Variants in ZFAT observed in about 807,000 individuals in gnomAD.
ZFAT encodes the protein zinc finger protein ZFAT.
A neutral mutation model predicts 117.7 loss-of-function variants in ZFAT; 64 were observed. The observed-to-expected ratio is 0.54, with a 90% CI of 0.44 to 0.67. The LOEUF (loss-of-function observed/expected upper bound fraction) is 0.67, where lower values mean the gene tolerates loss of function less well. Ranked by LOEUF, ZFAT falls within the 30% of genes least tolerant of loss-of-function variation. The probability of loss-of-function intolerance (pLI) is 0.00; values close to 1 mark genes in which losing one functional copy is unlikely to be tolerated. For synonymous variants in ZFAT, 679 were observed against 615.0 expected, an observed-to-expected ratio of 1.10 and a Z score of -1.54; for missense variants, 1,433 against 1,584.5, an observed-to-expected ratio of 0.90 and a Z score of 1.62.
intron 11 of ZFAT, among the ~76,000 whole-genome samples, chr8:134,540,585 G>A (rs1298183275): frequency 1.3e-5 from 2 of 152,114 alleles, no homozygotes; most frequent in Admixed American, 6.5e-5. Flanking sequence ...CAAAGGCTAC[G>A]AAAAGTCCCA....
At chr8:134,556,816 T>C (rs1823660461) in intron 11 of ZFAT, among the ~76,000 whole-genome samples, 1 of 151,960 alleles carries the variant, frequency 6.6e-6, no homozygotes, top group South Asian at 2.1e-4. Context: ...TAAAGACAAA[T>C]GTATCAAATA....
chr8:134,828,733 T>G, the ZFAT span, among the ~76,000 whole-genome samples: 115 of 152,356 alleles, frequency 7.5e-4, no homozygotes, highest in African/African-American at 2.7e-3. Flanking sequence ...TCCCAAGTAC[T>G]TCATTCATCA....
At chr8:134,493,276 C>T (rs1301778431) in intron 15 of ZFAT, among the ~76,000 whole-genome samples, 1 of 152,174 alleles carries the variant, frequency 6.6e-6, no homozygotes, top group African/African-American at 2.4e-5. Context: ...TCTGCTGCCA[C>T]CTGCAACACG....
intron 15 of ZFAT, among the ~76,000 whole-genome samples, chr8:134,486,386 T>G (rs4554425): frequency 6.6e-6 from 1 of 151,956 alleles, no homozygotes; most frequent in Non-Finnish European, 1.5e-5. Flanking sequence ...GACACCTCTG[T>G]CACCGTCGCC....
At chr8:134,758,197 C>T in the ZFAT span, among the ~76,000 whole-genome samples, 17 of 152,220 alleles carry the variant, frequency 1.1e-4, no homozygotes, top group South Asian at 2.1e-3. Flanking sequence ...GGGATTGGCT[C>T]TTATTAGCCT....
chr8:134,529,554 G>A (rs906304995), intron 12 of ZFAT, among the ~76,000 whole-genome samples: 1 of 152,172 alleles, frequency 6.6e-6, no homozygotes, highest in African/African-American at 2.4e-5. Context: ...TATTTACATA[G>A]TGCTCAGTAC....
the ZFAT span, among the ~76,000 whole-genome samples, chr8:134,779,986 C>T: frequency 6.6e-6 from 1 of 152,158 alleles, no homozygotes; most frequent in African/African-American, 2.4e-5. Context: ...TCCACTGTTT[C>T]TCCAACCCCC....
At chr8:134,811,985 A>G in the ZFAT span, among the ~76,000 whole-genome samples, 1 of 152,082 alleles carries the variant, frequency 6.6e-6, no homozygotes, top group Admixed American at 6.5e-5. Context: ...CTCTACTAAA[A>G]ATACAAAAAT....
At chr8:134,507,862 CAG>C (rs934613098) in intron 15 of ZFAT, among the ~76,000 whole-genome samples, 12 of 152,188 alleles carry the variant, frequency 7.9e-5, no homozygotes, top group Non-Finnish European at 1.5e-5. Flanking sequence ...GATACCATCC[CAG>C]AGAGACCCTT....
the ZFAT span, among the ~76,000 whole-genome samples, chr8:134,750,246 C>A: frequency 6.6e-6 from 1 of 151,456 alleles, no homozygotes; most frequent in Non-Finnish European, 1.5e-5. Context: ...AATTATATTA[C>A]GATTGGTATC....
chr8:134,775,268 A>T, the ZFAT span, among the ~76,000 whole-genome samples: 1 of 152,216 alleles, frequency 6.6e-6, no homozygotes, highest in Non-Finnish European at 1.5e-5. Context: ...GGGCCTGATT[A>T]TCTCTGATTG....
intron 3 of ZFAT, among the ~76,000 whole-genome samples, chr8:134,614,512 T>C (rs549652049): frequency 5.9e-5 from 9 of 152,278 alleles, no homozygotes; most frequent in South Asian, 2.1e-4. Flanking sequence ...GAACCAACGG[T>C]TGGACTTTCC....
chr8:134,497,565 G>A lies in ZFAT; in HGVS notation c.3492+12054C>T, dbSNP rs1301287704. Among the ~76,000 whole-genome samples the A allele has an allele frequency of 6.5e-5, 2 of 30,954 alleles. 1 individual carries two copies. The highest frequency in any genetic ancestry group is 1.2e-4 in the Non-Finnish European group (2 of 16,764). 20.3% of individuals were successfully genotyped at this position (30,954 alleles called of 152,430 possible). On this transcript the variant is annotated intron_variant, in intron 15 of 15. Transcript: ENST00000377838. Reference sequence around the variant, plus strand: ...GATTTGGTAGGGTTGGGGTGGAGCCGGGATGCCCCAGCTGCTGGTTACACA... The same window carrying A: ...GATTTGGTAGGGTTGGGGTGGAGCCAGGATGCCCCAGCTGCTGGTTACACA...
the ZFAT span, among the ~76,000 whole-genome samples, chr8:134,799,365 G>C: frequency 6.6e-6 from 1 of 152,014 alleles, no homozygotes; most frequent in African/African-American, 2.4e-5. Flanking sequence ...TGTTTGTTTT[G>C]CTTTTCACCT....
the ZFAT span, chr8:134,765,825 T>G: frequency 1.3e-5 from 2 of 152,174 alleles, no homozygotes; most frequent in African/African-American, 2.4e-5. Context: ...TCATGTGAGA[T>G]CCCAGTCCTG....
At chr8:134,604,321 G>A (rs556790606) in intron 5 of ZFAT, among the ~76,000 whole-genome samples, 4 of 152,332 alleles carry the variant, frequency 2.6e-5, no homozygotes, top group South Asian at 4.1e-4. Flanking sequence ...GAGCCTACAC[G>A]TGCATGCTTA....
chr8:134,490,333 A>C (rs1036309680), intron 15 of ZFAT, among the ~76,000 whole-genome samples: 1 of 152,166 alleles, frequency 6.6e-6, no homozygotes, highest in African/African-American at 2.4e-5. Flanking sequence ...GTCCCATCCC[A>C]ATCTCTTCCA....
At chr8:134,567,604 C>A (rs1397224719) in intron 10 of ZFAT, among the ~76,000 whole-genome samples, 1 of 152,124 alleles carries the variant, frequency 6.6e-6, no homozygotes, top group Non-Finnish European at 1.5e-5. Context: ...CAGAACCAAC[C>A]AATGGCCCCA....
chr8:134,575,271 T>C (rs1273646783), intron 10 of ZFAT, among the ~76,000 whole-genome samples: 1 of 152,160 alleles, frequency 6.6e-6, no homozygotes, highest in Non-Finnish European at 1.5e-5. Flanking sequence ...GCTAAAGATC[T>C]TGAGCTGGGG....
Sources: gnomAD v4.1 joint callset for allele counts (sites outside exome capture counted in the v4.1 genomes callset) on GRCh38, gnomAD v4.1.1 for gene constraint, MANE v1.5 for transcripts, NCBI Gene and HGNC (gene_info 2026-07-23, HGNC 2026-07-21) for gene names.